SLIT2: variants seen among roughly 807,000 people sequenced by gnomAD.
The protein encoded by SLIT2 is slit homolog 2 protein.
In SLIT2, 41 loss-of-function variants were observed where a neutral mutation model predicts 185.7. The observed-to-expected ratio is 0.22, with a 90% CI of 0.17 to 0.29. The LOEUF (loss-of-function observed/expected upper bound fraction) is 0.29, where lower values mean the gene tolerates loss of function less well. Ranked by LOEUF, SLIT2 falls within the 10% of genes least tolerant of loss-of-function variation. The probability of loss-of-function intolerance (pLI) is 1.00; values close to 1 mark genes in which losing one functional copy is unlikely to be tolerated. For missense variants in SLIT2, 1,571 were observed against 1,909.0 expected, an observed-to-expected ratio of 0.82 and a Z score of 3.30; for synonymous variants, 693 against 680.2, an observed-to-expected ratio of 1.02 and a Z score of -0.29.
intron 29 of SLIT2, among the ~76,000 whole-genome samples, chr4:20,584,656 A>G (rs1052893300): frequency 2.6e-5 from 4 of 152,252 alleles, no homozygotes; most frequent in Non-Finnish European, 4.4e-5. Context: ...AAGAGTGGGT[A>G]TCACTTTTGG....
At chr4:20,475,999 G>T (rs1036595464) in intron 5 of SLIT2, among the ~76,000 whole-genome samples, 48 of 152,230 alleles carry the variant, frequency 3.2e-4, no homozygotes, top group African/African-American at 1.2e-3. Flanking sequence ...TTACTTTGGG[G>T]TCCTCAGAAT....
At chr4:20,441,811 C>A (rs555413101) in intron 4 of SLIT2, among the ~76,000 whole-genome samples, 1 of 152,144 alleles carries the variant, frequency 6.6e-6, no homozygotes, top group Admixed American at 6.5e-5. Flanking sequence ...CAGCCCAGAA[C>A]TTTATACTTT....
At chr4:20,441,566 C>G (rs1415964765) in intron 4 of SLIT2, among the ~76,000 whole-genome samples, 1 of 144,700 alleles carries the variant, frequency 6.9e-6, no homozygotes, top group Non-Finnish European at 1.5e-5. Context: ...CCCAGCCATC[C>G]CAGATCCAAC....
At chr4:20,518,222 CAT>C (rs1374488573) in intron 11 of SLIT2, among the ~76,000 whole-genome samples, 1 of 113,558 alleles carries the variant, frequency 8.8e-6, no homozygotes, top group Non-Finnish European at 1.8e-5. Context: ...TATATATATA[CAT>C]ATATATGTGT....
At chr4:20,536,558 C>CA (rs35710842) in intron 18 of SLIT2, among the ~76,000 whole-genome samples, 971 of 75,538 alleles carry the variant, frequency 0.013, 9 homozygotes, top group South Asian at 0.031. Context: ...AACTCTGTCG[C>CA]AAAAAAAAAA....
intron 4 of SLIT2, among the ~76,000 whole-genome samples, chr4:20,405,774 G>A (rs149851927): frequency 2.6e-4 from 40 of 151,880 alleles, no homozygotes; most frequent in Admixed American, 1.2e-3. Context: ...CTTTCTTTTA[G>A]AGGAATGTGG....
In SLIT2 at chr4:20,254,426, G is replaced by A. The variant is rs910664256; in HGVS notation, c.179+432G>A. Reference sequence around the variant, plus strand: ...CGCTCTTGTCGCAGGCTGGCGCGGAGGGGATAGCAGGGAGACTCAAAAGAG... The same window carrying A: ...CGCTCTTGTCGCAGGCTGGCGCGGAAGGGATAGCAGGGAGACTCAAAAGAG... On this transcript the variant is annotated intron_variant, in intron 1 of 36. Transcript: ENST00000504154. The surrounding 1 kb of genome is among the most constrained non-coding windows in gnomAD (Gnocchi z 5.1). Among the ~76,000 whole-genome samples the A allele has an allele frequency of 1.3e-5, 2 of 152,222 alleles. No homozygotes were observed. The highest frequency in any genetic ancestry group is 1.3e-4 in the Admixed American group (2 of 15,284).
At position 20,589,699 on chromosome 4, in the gene SLIT2, G is replaced by A; in HGVS notation, c.3144G>A (p.Gln1048=). ...GTGCCCAGGACCTGAACCCCTGCCA[G>A]CACGATTCAAAGTGCATCCTAACTC... ...DFCAQDLNPC[Q]HDSKCILTPK... is the part of the protein sequence containing the mutation. The change falls in exon 30 of 37, where the codon CAG becomes CAA. Residue 1048 remains glutamine (Q), a synonymous_variant. Coordinates refer to ENST00000504154, the MANE Select transcript of SLIT2 (RefSeq NM_004787.4). 1 of 1,613,838 alleles carries A rather than the reference G, an allele frequency of 6.2e-7. No individual in the cohort carries two copies. The highest frequency in any genetic ancestry group is 8.5e-7 in the Non-Finnish European group (1 of 1,179,946).
chr4:20,352,152 G>T (rs1451198974), intron 4 of SLIT2, among the ~76,000 whole-genome samples: 2 of 152,102 alleles, frequency 1.3e-5, no homozygotes, highest in Non-Finnish European at 2.9e-5. Context: ...GCATTCTAAA[G>T]ATTGATTGAA....
chr4:20,319,009 C>G (rs1718826450), intron 4 of SLIT2, among the ~76,000 whole-genome samples: 1 of 152,100 alleles, frequency 6.6e-6, no homozygotes, highest in Non-Finnish European at 1.5e-5. Context: ...CCTATTGAAG[C>G]TGCAGTACTG....
chr4:20,510,007 G>T (rs1046465641), intron 9 of SLIT2, among the ~76,000 whole-genome samples: 1 of 152,080 alleles, frequency 6.6e-6, no homozygotes, highest in Non-Finnish European at 1.5e-5. Context: ...AATTAATTTT[G>T]TGAGTATAAA....
intron 4 of SLIT2, among the ~76,000 whole-genome samples, chr4:20,368,876 G>C (rs1447656866): frequency 6.6e-6 from 1 of 151,900 alleles, no homozygotes; most frequent in Non-Finnish European, 1.5e-5. Flanking sequence ...GAAACCCTGG[G>C]GTTGATATTT....
At chr4:20,518,643 C>T (rs1450430254) in intron 11 of SLIT2, among the ~76,000 whole-genome samples, 27 of 85,098 alleles carry the variant, frequency 3.2e-4, no homozygotes, top group African/African-American at 1.1e-3. Context: ...CTCGCTCTGT[C>T]GCCCAGGCTG....
At chr4:20,502,473 A>T (rs1718830265) in intron 9 of SLIT2, among the ~76,000 whole-genome samples, 1 of 152,224 alleles carries the variant, frequency 6.6e-6, no homozygotes, top group African/African-American at 2.4e-5. Context: ...CAGTGCAGAG[A>T]ATTGAAGCTT....
chr4:20,510,923 A>T, intron 10 of SLIT2, 143 bp from the exon 11 acceptor site: 1 of 543,576 alleles, frequency 1.8e-6, no homozygotes, highest in South Asian at 3.2e-5. Context: ...TAAATTTCTG[A>T]TCCTTCAGAT....
At chr4:20,290,073 A>G (rs1386636411) in intron 4 of SLIT2, among the ~76,000 whole-genome samples, 1 of 152,046 alleles carries the variant, frequency 6.6e-6, no homozygotes, top group African/African-American at 2.4e-5. Flanking sequence ...CTCATCTCCC[A>G]GTTGCCTCCC....
At chr4:20,569,350 ACATT>A in intron 29 of SLIT2, 1 of 234,776 alleles carries the variant, frequency 4.3e-6, no homozygotes. Flanking sequence ...TGTAAAGAGG[ACATT>A]TATTTAATAG....
chr4:20,343,507 T>C (rs1392775783), intron 4 of SLIT2, among the ~76,000 whole-genome samples: 1 of 149,862 alleles, frequency 6.7e-6, no homozygotes, highest in Non-Finnish European at 1.5e-5. Context: ...TTCATAAAAC[T>C]TTTTTTTTTC....
At chr4:20,593,705 T>A (rs764146043) in intron 30 of SLIT2, among the ~76,000 whole-genome samples, 40 of 152,122 alleles carry the variant, frequency 2.6e-4, no homozygotes, top group Non-Finnish European at 5.3e-4. Context: ...TATTTCACAA[T>A]GTATGTATGT....
Sources: allele counts gnomAD v4.1 joint callset (sites outside exome capture counted in the v4.1 genomes callset), GRCh38; gene constraint gnomAD v4.1.1; non-coding constraint Gnocchi (gnomAD v3.1); transcripts MANE v1.5; gene names NCBI Gene and HGNC (gene_info 2026-07-23, HGNC 2026-07-21).